The following RBFOX3 variants were observed in gnomAD, a reference collection of about 807,000 sequenced individuals.
RBFOX3 encodes RNA binding fox-1 homolog 3, also known as RNA binding protein fox-1 homolog 3.
In RBFOX3, 17 loss-of-function variants were observed where a neutral mutation model predicts 48.7. That is an observed-to-expected ratio of 0.35 (90% confidence interval 0.24 to 0.52). RBFOX3 has a LOEUF of 0.52. RBFOX3 is among the 20% of genes least tolerant of loss of function. The pLI is 0.94. For synonymous variants in RBFOX3, 212 were observed against 209.5 expected, an observed-to-expected ratio of 1.01 and a Z score of -0.10; for missense variants, 382 against 497.5, an observed-to-expected ratio of 0.77 and a Z score of 2.21.
At chr17:79,310,657 C>A (rs544487000) in intron 2 of RBFOX3, among the ~76,000 whole-genome samples, 8 of 152,338 alleles carry the variant, frequency 5.3e-5, no homozygotes, top group African/African-American at 1.4e-4. Flanking sequence ...CCTCCTCCCG[C>A]ATTCCCCAGC....
intron 1 of RBFOX3, among the ~76,000 whole-genome samples, chr17:79,501,716 C>T (rs2082411524): frequency 1.3e-5 from 2 of 152,220 alleles, no homozygotes; most frequent in Non-Finnish European, 2.9e-5. Flanking sequence ...GCCTGGAACC[C>T]ATCCTTCAAA....
rs74797279 is a variant in RBFOX3 at position 79,245,293 on chromosome 17, A to G, written c.-73-9488T>C. Among the ~76,000 whole-genome samples, 1,009 of 152,112 alleles carry G rather than the reference A, an allele frequency of 6.6e-3. 8 individuals carry two copies. The highest frequency in any genetic ancestry group is 0.023 in the African/African-American group (944 of 41,488). On this transcript the variant is annotated intron_variant, in intron 3 of 14. Transcript: ENST00000693108. ...TGGTTTGGAACTCCTAATGGGGCAC[A>G]CTAGAGGGACCTAGAGGCCACATGC...
chr17:79,105,360 T>C (rs2077174593), intron 6 of RBFOX3, among the ~76,000 whole-genome samples: 1 of 152,106 alleles, frequency 6.6e-6, no homozygotes, highest in Non-Finnish European at 1.5e-5. Context: ...CAGGGGATGG[T>C]GTCCCCGTCC....
rs7213735 is a variant in RBFOX3 at position 79,471,877 on chromosome 17, C to T, written c.-175+10577G>A. Among the ~76,000 whole-genome samples the T allele has an allele frequency of 0.26, 39,289 of 152,104 alleles. 6,004 individuals carry two copies. Among genetic ancestry groups the T allele is most frequent in the Non-Finnish European group, 0.35 (23,944 of 67,960 alleles). Reference sequence around the variant, plus strand: ...TCGAGGGAGAACACTTCAAGAGAGGCGACTAAATCTCCACCAAGCACATTA... The same window carrying T: ...TCGAGGGAGAACACTTCAAGAGAGGTGACTAAATCTCCACCAAGCACATTA... On this transcript the variant is annotated intron_variant, in intron 2 of 14. Coordinates refer to ENST00000693108, the MANE Select transcript of RBFOX3 (RefSeq NM_001350451.2). This position sits in a 1 kb window ranked among gnomAD's most constrained non-coding sequence, Gnocchi z 4.0.
chr17:79,461,626 C>G (rs1420305327), intron 2 of RBFOX3, among the ~76,000 whole-genome samples: 1 of 152,234 alleles, frequency 6.6e-6, no homozygotes, highest in Non-Finnish European at 1.5e-5. Context: ...GTGGGTTGAA[C>G]AGTGGACGCC....
intron 2 of RBFOX3, among the ~76,000 whole-genome samples, chr17:79,340,551 C>T (rs2081925101): frequency 6.6e-6 from 1 of 152,158 alleles, no homozygotes; most frequent in Admixed American, 6.5e-5. Flanking sequence ...GACTTCACTG[C>T]ACATCCTGGT....
intron 2 of RBFOX3, among the ~76,000 whole-genome samples, chr17:79,385,526 C>T (rs1211284133): frequency 6.6e-6 from 1 of 152,170 alleles, no homozygotes; most frequent in East Asian, 1.9e-4. Flanking sequence ...GTGATCAGAG[C>T]TGCTGGCTGA....
rs1455568112 is a variant in RBFOX3 at position 79,479,813 on chromosome 17, T to C, written c.-175+2641A>G. Among the ~76,000 whole-genome samples, 5 of 152,086 alleles carry C rather than the reference T, an allele frequency of 3.3e-5. No homozygotes were observed. Among genetic ancestry groups the C allele is most frequent in the African/African-American group, 4.8e-5 (2 of 41,400 alleles). On this transcript the variant is annotated intron_variant, in intron 2 of 14. Transcript: ENST00000693108. This position sits in a 1 kb window ranked among gnomAD's most constrained non-coding sequence, Gnocchi z 5.1. ...AGGAAGTGGCATTTTCAGAGGAGCATGGGAGATGGTGCTACCGTCACGGCC... is the reference window on the plus strand; with the variant it reads ...AGGAAGTGGCATTTTCAGAGGAGCACGGGAGATGGTGCTACCGTCACGGCC...
intron 3 of RBFOX3, among the ~76,000 whole-genome samples, chr17:79,262,527 A>G: frequency 6.6e-6 from 1 of 152,252 alleles, no homozygotes; most frequent in East Asian, 1.9e-4. Flanking sequence ...AGGATCCTAA[A>G]TTAGATCAGT....
At chr17:79,123,430 C>T (rs1306947565) in intron 4 of RBFOX3, among the ~76,000 whole-genome samples, 1 of 151,976 alleles carries the variant, frequency 6.6e-6, no homozygotes, top group African/African-American at 2.4e-5. Context: ...TCTGCCCTTC[C>T]CCCTCTGAGT....
At chr17:79,092,339 G>A (rs567400893) in intron 14 of RBFOX3, 15 of 985,546 alleles carry the variant, frequency 1.5e-5, no homozygotes, top group Non-Finnish European at 1.8e-5. Flanking sequence ...CATCAACAAA[G>A]TCAAAATAGG....
At chr17:79,635,189 G>A in the RBFOX3 span, among the ~76,000 whole-genome samples, 1 of 151,076 alleles carries the variant, frequency 6.6e-6, no homozygotes, top group African/African-American at 2.4e-5. Flanking sequence ...AGTGAGGCAT[G>A]GGTAAGACAC....
At chr17:79,605,054 C>T (rs2093795741) in intron 1 of RBFOX3, among the ~76,000 whole-genome samples, 1 of 152,200 alleles carries the variant, frequency 6.6e-6, no homozygotes, top group African/African-American at 2.4e-5. Context: ...ATGAGAAGGA[C>T]TGCAGTCCAT....
At chr17:79,604,385 G>A (rs1383576051) in intron 1 of RBFOX3, among the ~76,000 whole-genome samples, 2 of 152,146 alleles carry the variant, frequency 1.3e-5, no homozygotes, top group Admixed American at 6.5e-5. Context: ...CGGTGTGTGC[G>A]GCTCTCCCAG....
intron 4 of RBFOX3, among the ~76,000 whole-genome samples, chr17:79,173,745 T>C (rs1320792307): frequency 1.3e-5 from 2 of 152,074 alleles, no homozygotes; most frequent in Non-Finnish European, 2.9e-5. Flanking sequence ...CAGACTTTGC[T>C]GATTTTACCC....
chr17:79,194,578 C>G (rs2055166686), intron 4 of RBFOX3, among the ~76,000 whole-genome samples: 1 of 151,762 alleles, frequency 6.6e-6, no homozygotes, highest in Non-Finnish European at 1.5e-5. Flanking sequence ...CCACTGTACT[C>G]TAGCCTGGGT....
intron 2 of RBFOX3, among the ~76,000 whole-genome samples, chr17:79,339,062 T>TC (rs1226517039): frequency 2.8e-4 from 37 of 131,506 alleles, no homozygotes; most frequent in Non-Finnish European, 5.7e-4. Context: ...TCTTTTCTTT[T>TC]CTTTTTTTTT....
rs147283067 is a variant in RBFOX3 at position 79,125,866 on chromosome 17, C to T, written c.-33-10118G>A. 2.4e-3 allele frequency among the ~76,000 whole-genome samples: 363 copies of T among 152,326 alleles called. 1 individual carries two copies. The highest frequency in any genetic ancestry group is 8.1e-3 in the African/African-American group (337 of 41,580). ...AAATGGGGAAGGGAGGGAGGGGGAACGCCAGGCCCCATCCGCCGAGCTGTG... is the reference window on the plus strand; with the variant it reads ...AAATGGGGAAGGGAGGGAGGGGGAATGCCAGGCCCCATCCGCCGAGCTGTG... On this transcript the variant is annotated intron_variant, in intron 4 of 14. Transcript: ENST00000693108.
At chr17:79,501,547 C>G (rs2082388974) in intron 1 of RBFOX3, among the ~76,000 whole-genome samples, 1 of 152,206 alleles carries the variant, frequency 6.6e-6, no homozygotes, top group African/African-American at 2.4e-5. Flanking sequence ...TTTGAACCTG[C>G]AAGAGCCGAG....
Sources: allele counts gnomAD v4.1 joint callset (sites outside exome capture counted in the v4.1 genomes callset), GRCh38; gene constraint gnomAD v4.1.1; non-coding constraint Gnocchi (gnomAD v3.1); transcripts MANE v1.5; gene names NCBI Gene and HGNC (gene_info 2026-07-23, HGNC 2026-07-21).